PIEZO2: variants seen among roughly 807,000 people sequenced by gnomAD.
PIEZO2 encodes piezo type mechanosensitive ion channel component 2.
A neutral mutation model predicts 337.3 loss-of-function variants in PIEZO2; 172 were observed. That is an observed-to-expected ratio of 0.51 (90% confidence interval 0.45 to 0.58). PIEZO2 has a LOEUF of 0.58. Ranked by LOEUF, PIEZO2 falls within the 20% of genes least tolerant of loss-of-function variation. The probability of loss-of-function intolerance (pLI) is 0.00; values close to 1 mark genes in which losing one functional copy is unlikely to be tolerated. For synonymous variants in PIEZO2, 1,251 were observed against 1,228.5 expected (o/e 1.02, Z -0.38); for missense variants, 3,028 against 3,391.3 (o/e 0.89, Z 2.66).
chr18:10,826,145 C>T (rs2040671039), intron 7 of PIEZO2, among the ~76,000 whole-genome samples: 1 of 152,176 alleles, frequency 6.6e-6, no homozygotes, highest in African/African-American at 2.4e-5. Context: ...GCCCTGGTTC[C>T]TTTTATTGGA....
chr18:10,823,905 TG>T (rs1245070366), intron 7 of PIEZO2, among the ~76,000 whole-genome samples: 1 of 152,240 alleles, frequency 6.6e-6, no homozygotes, highest in East Asian at 1.9e-4. Flanking sequence ...CATTTCGTTC[TG>T]CCAGCACACT....
At chr18:10,920,571 T>C (rs1358090329) in intron 3 of PIEZO2, among the ~76,000 whole-genome samples, 1 of 152,206 alleles carries the variant, frequency 6.6e-6, no homozygotes, top group African/African-American at 2.4e-5. Context: ...GTTGGAAATA[T>C]AGTCAACATG....
intron 27 of PIEZO2, 58 bp from the exon 28 acceptor site, chr18:10,752,937 T>A (rs1338274541): frequency 6.7e-7 from 1 of 1,493,724 alleles, no homozygotes; most frequent in African/African-American, 1.4e-5. Flanking sequence ...AAAAGCAAAA[T>A]CAGGAAAGTC....
intron 2 of PIEZO2, among the ~76,000 whole-genome samples, chr18:11,054,968 T>C (rs1215026134): frequency 6.6e-6 from 1 of 151,798 alleles, no homozygotes; most frequent in African/African-American, 2.4e-5. Context: ...TCCCAGCACT[T>C]TGGGAGGCCG....
At chr18:11,063,322 C>T (rs535604598) in intron 2 of PIEZO2, among the ~76,000 whole-genome samples, 1 of 151,498 alleles carries the variant, frequency 6.6e-6, no homozygotes, top group African/African-American at 2.4e-5. Context: ...AGGAGATATA[C>T]CTAATGTTAA....
chr18:10,724,949 G>C lies in PIEZO2; in HGVS notation c.5029+6458C>G. 3.1e-6 allele frequency: 5 copies of C among 1,590,694 alleles called. No homozygotes were observed. The highest frequency in any genetic ancestry group is 4.3e-6 in the Non-Finnish European group (5 of 1,164,612). On this transcript the variant is annotated intron_variant, in intron 36 of 55. Transcript: ENST00000674853. The surrounding 1 kb of genome is among the most constrained non-coding windows in gnomAD (Gnocchi z 5.8). ...GGACGGCGATGGAACCCAGGTGGGC[G>C]CACCCTGCGGCCTGCAGCCTCCCTG...
At position 10,693,356 on chromosome 18, in the gene PIEZO2, TTGTGTGTGTGTG is replaced by T. The variant is rs1174582024; in HGVS notation, c.7191-1985_7191-1974del. Among the ~76,000 whole-genome samples, 118 of 90,040 alleles carry T rather than the reference TTGTGTGTGTGTG, an allele frequency of 1.3e-3. No homozygotes were observed. In the Middle Eastern group the frequency reaches 0.028, roughly 21 times the overall value. The allele number at this position is 90,040 out of a possible 152,430, so 59.1% of individuals were successfully genotyped here. A position where few individuals can be genotyped will look rare whatever the true frequency, so the allele number is the denominator to read the frequency against. ...TGCTTCTTGCTTTCCAATCTGGATT[TTGTGTGTGTGTG>T]TGTGTGTGTGTGTGTGTGTGATGGA... On this transcript the variant is annotated intron_variant, in intron 47 of 55. Transcript: ENST00000674853.
chr18:10,846,430 A>G lies in PIEZO2; in HGVS notation c.917+8923T>C, dbSNP rs143096456. Among the ~76,000 whole-genome samples, 6 of 152,364 alleles carry G rather than the reference A, an allele frequency of 3.9e-5. No individual in the cohort carries two copies. The highest frequency in any genetic ancestry group is 1.4e-4 in the African/African-American group (6 of 41,592). On this transcript the variant is annotated intron_variant, in intron 7 of 55. Transcript: ENST00000674853. The surrounding 1 kb of genome is among the most constrained non-coding windows in gnomAD (Gnocchi z 4.1). The stretch of plus-strand genomic sequence containing the variant: ...AGCAAAACCTATCACTTAGAGTTCA[A>G]GAAAATCAAGTTTTACATTATTCTG...
chr18:10,793,838 T>C (rs1162658767), intron 13 of PIEZO2, among the ~76,000 whole-genome samples: 1 of 152,162 alleles, frequency 6.6e-6, no homozygotes, highest in Non-Finnish European at 1.5e-5. Flanking sequence ...CCTCTGTCAC[T>C]AGAATTCACC....
At chr18:11,107,725 C>G (rs956101541) in intron 1 of PIEZO2, among the ~76,000 whole-genome samples, 36 of 152,200 alleles carry the variant, frequency 2.4e-4, no homozygotes, top group Admixed American at 2.1e-3. Flanking sequence ...ATTTCACCTT[C>G]TCTTTTAATA....
chr18:10,891,890 A>T (rs539940684), intron 4 of PIEZO2, among the ~76,000 whole-genome samples: 1 of 152,356 alleles, frequency 6.6e-6, no homozygotes, highest in Admixed American at 6.5e-5. Flanking sequence ...CATAAAATAG[A>T]GTGGTAGACA....
chr18:11,108,036 C>T (rs1410718559), intron 1 of PIEZO2, among the ~76,000 whole-genome samples: 2 of 152,116 alleles, frequency 1.3e-5, no homozygotes, highest in African/African-American at 2.4e-5. Context: ...TCCTCATTCA[C>T]TAGTATTTGT....
At position 10,834,877 on chromosome 18, in the gene PIEZO2, C is replaced by T. The variant is rs542478169; in HGVS notation, c.917+20476G>A. On this transcript the variant is annotated intron_variant, in intron 7 of 55. Coordinates refer to ENST00000674853, the MANE Select transcript of PIEZO2 (RefSeq NM_001378183.1). The surrounding 1 kb of genome is among the most constrained non-coding windows in gnomAD (Gnocchi z 4.5). The stretch of plus-strand genomic sequence containing the variant: ...TCCATCACTCTCACTTTCACAAGGG[C>T]GTGATCATAAGCTTTTGTTTTGTTT... Among the ~76,000 whole-genome samples the T allele has an allele frequency of 1.3e-5, 2 of 152,236 alleles. No individual in the cohort carries two copies. Among genetic ancestry groups the T allele is most frequent in the African/African-American group, 2.4e-5 (1 of 41,556 alleles).
At chr18:10,811,549 A>G (rs1326695074) in intron 7 of PIEZO2, among the ~76,000 whole-genome samples, 1 of 152,216 alleles carries the variant, frequency 6.6e-6, no homozygotes, top group African/African-American at 2.4e-5. Context: ...GAAACTGTAG[A>G]TATACAAACA....
At chr18:10,740,940 T>C (rs1289261714) in intron 33 of PIEZO2, 91 bp downstream of exon 33, 3 of 1,300,658 alleles carry the variant, frequency 2.3e-6, no homozygotes, top group African/African-American at 2.9e-5. Flanking sequence ...AAACCATGCA[T>C]GGAACACATG....
intron 2 of PIEZO2, among the ~76,000 whole-genome samples, chr18:11,065,303 C>T (rs898495496): frequency 6.6e-6 from 1 of 152,248 alleles, no homozygotes; most frequent in Non-Finnish European, 1.5e-5. Context: ...CAAACAACTT[C>T]CTTTTCCTTT....
intron 49 of PIEZO2, among the ~76,000 whole-genome samples, chr18:10,684,112 CTT>C (rs58178318): frequency 0.033 from 3,486 of 105,582 alleles, 182 homozygotes; most frequent in African/African-American, 0.12. Context: ...CTCTCTCTTT[CTT>C]TCTTTCTTTC....
intron 2 of PIEZO2, among the ~76,000 whole-genome samples, chr18:10,987,907 C>T (rs1312443991): frequency 2.0e-5 from 3 of 152,036 alleles, no homozygotes; most frequent in African/African-American, 7.2e-5. Context: ...CCAAAGAATA[C>T]ATACAAAGAA....
rs535469743 is a variant in PIEZO2 at position 11,132,538 on chromosome 18, C to T, written c.64+15987G>A. Among the ~76,000 whole-genome samples, 30 of 152,186 alleles carry T rather than the reference C, an allele frequency of 2.0e-4. No homozygotes were observed. Among genetic ancestry groups the T allele is most frequent in the African/African-American group, 7.0e-4 (29 of 41,538 alleles). On this transcript the variant is annotated intron_variant, in intron 1 of 55. Transcript: ENST00000674853. This position sits in a 1 kb window ranked among gnomAD's most constrained non-coding sequence, Gnocchi z 4.7. ...CTCTCATAGCCAGGATTCATATGTC[C>T]GGGAATCAGAAGGTAGAAGTAGAAG... is the stretch of plus-strand genomic sequence containing the variant.
Sources: allele counts gnomAD v4.1 joint callset (sites outside exome capture counted in the v4.1 genomes callset), GRCh38; gene constraint gnomAD v4.1.1; non-coding constraint Gnocchi (gnomAD v3.1); transcripts MANE v1.5; gene names NCBI Gene and HGNC (gene_info 2026-07-23, HGNC 2026-07-21).